The following HEATR1 variants were observed in gnomAD, a reference collection of about 807,000 sequenced individuals.
The protein encoded by HEATR1 is HEAT repeat containing 1, also known as HEAT repeat-containing protein 1.
HEATR1 carries 77 observed loss-of-function variants against 248.2 expected under a neutral mutation model. The ratio of observed to expected loss-of-function variants is 0.31; its 90% CI spans 0.26 to 0.37. The LOEUF (loss-of-function observed/expected upper bound fraction) is 0.37, where lower values mean the gene tolerates loss of function less well. Ranked by LOEUF, HEATR1 falls within the 10% of genes least tolerant of loss-of-function variation. The probability of loss-of-function intolerance (pLI) is 1.00; values close to 1 mark genes in which losing one functional copy is unlikely to be tolerated. For synonymous variants in HEATR1, 897 were observed against 923.1 expected (o/e 0.97, Z 0.51); for missense variants, 2,420 against 2,504.9 (o/e 0.97, Z 0.72).
chr1:236,555,652 C>A lies in HEATR1; in HGVS notation c.5653G>T (p.Asp1885Tyr). Residue 1885 changes from aspartate to tyrosine, a missense_variant, in exon 40 of 45, where the codon GAT (aspartate) becomes TAT (tyrosine). Transcript: ENST00000366582. ...TCCGTTTTTCCAACTTCCTCCAGATCGTTCTGAAAACAGAAGAGCCCATTT... is the reference window on the plus strand; with the variant it reads ...TCCGTTTTTCCAACTTCCTCCAGATAGTTCTGAAAACAGAAGAGCCCATTT... ...LDFRAQHSEN[D>Y]LEEVGKTENC... The A allele has an allele frequency of 1.9e-6, 3 of 1,614,120 alleles. No individual in the cohort carries two copies. The highest frequency in any genetic ancestry group is 2.5e-6 in the Non-Finnish European group (3 of 1,179,972).
Position 236,570,189 on chromosome 1 carries a change from G to T in HEATR1, c.3949-1065C>A, listed in dbSNP as rs370152371. ...CTGTAGTCCTAGCTACTCGGGAGGC[G>T]GAGGCAGGAGAATGGCATGAACCCA... On this transcript the variant is annotated intron_variant, in intron 28 of 44. Transcript: ENST00000366582. Among the ~76,000 whole-genome samples, 20 of 152,172 alleles carry T rather than the reference G, an allele frequency of 1.3e-4. No individual in the cohort carries two copies. In the East Asian group the frequency reaches 3.5e-3, roughly 27 times the overall value.
At position 236,558,318 on chromosome 1, in the gene HEATR1, T is replaced by C; in HGVS notation, c.5123A>G (p.Lys1708Arg). The change falls in exon 36 of 45, where the codon AAG becomes AGG. Residue 1708 changes from lysine to arginine, a missense_variant. Coordinates refer to ENST00000366582, the MANE Select transcript of HEATR1 (RefSeq NM_018072.6). Reference sequence around the variant, plus strand: ...CAGCAGCGCGCTTCCCAGGACATTCTTCTCCTCCTTTCTCTCTGGAGCAAT... The same window carrying C: ...CAGCAGCGCGCTTCCCAGGACATTCCTCTCCTCCTTTCTCTCTGGAGCAAT... The part of the protein sequence containing the change: ...KLIAPERKEE[K>R]NVLGSALLCI... The C allele has an allele frequency of 6.2e-7, 1 of 1,614,216 alleles. No homozygotes were observed. The highest frequency in any genetic ancestry group is 1.3e-5 in the African/African-American group (1 of 75,064).
At position 236,558,542 on chromosome 1, in the gene HEATR1, G is replaced by A. The variant is rs766877730; in HGVS notation, c.4912-13C>T. 1.3e-5 allele frequency: 21 copies of A among 1,596,522 alleles called. No individual in the cohort carries two copies. In the Admixed American group the frequency reaches 3.6e-4, roughly 28 times the overall value. ...GGAAACGGGTAACCTGAAGGGGACA[G>A]CCAGAATCCCCAAATCATTAAAGCT... On this transcript the variant is annotated splice_polypyrimidine_tract_variant and intron_variant, in intron 35 of 44. Transcript: ENST00000366582.
At chr1:236,554,081 TA>T (rs1167956488) in intron 42 of HEATR1, among the ~76,000 whole-genome samples, 2 of 151,934 alleles carry the variant, frequency 1.3e-5, no homozygotes, top group East Asian at 3.9e-4. Flanking sequence ...TTGAGCAGTT[TA>T]AAAAATAAAA....
rs1663725235 is a variant in HEATR1, at chr1:236,581,117, C to T, written c.2755+105G>A. ...ACAGGCGTGAGATACCGCGCCTGCCCTCTGCTATTTTTTTTTAAGTTATAA... is the reference window on the plus strand; with the variant it reads ...ACAGGCGTGAGATACCGCGCCTGCCTTCTGCTATTTTTTTTTAAGTTATAA... On this transcript the variant is annotated intron_variant, in intron 20 of 44. Transcript: ENST00000366582. 1.1e-5 allele frequency: 10 copies of T among 947,964 alleles called. No individual in the cohort carries two copies. The South Asian group carries it at 1.4e-4, about 14-fold the overall frequency. The allele number at this position is 947,964 out of a possible 1,614,324, so 58.7% of individuals were successfully genotyped here.
chr1:236,578,248 A>G (rs1663618986), intron 20 of HEATR1, among the ~76,000 whole-genome samples: 1 of 152,232 alleles, frequency 6.6e-6, no homozygotes. Flanking sequence ...ATGTTTCCAA[A>G]TGGATAGCCA....
At chr1:236,578,295 G>A (rs1275289763) in intron 20 of HEATR1, among the ~76,000 whole-genome samples, 1 of 152,142 alleles carries the variant, frequency 6.6e-6, no homozygotes, top group Non-Finnish European at 1.5e-5. Flanking sequence ...CCATCTCACA[G>A]ATCTTTGATT....
At chr1:236,598,101 C>G in intron 4 of HEATR1, 122 bp from the exon 5 acceptor site, 1 of 565,540 alleles carries the variant, frequency 1.8e-6, no homozygotes, top group South Asian at 3.0e-5. Flanking sequence ...ATAATCTCTC[C>G]TTATAACTGG....
At chr1:236,556,750 A>G (rs1463658087) in intron 37 of HEATR1, among the ~76,000 whole-genome samples, 1 of 152,226 alleles carries the variant, frequency 6.6e-6, no homozygotes, top group East Asian at 1.9e-4. Context: ...AGCATCTTCA[A>G]TCATAAATAC....
intron 9 of HEATR1, among the ~76,000 whole-genome samples, chr1:236,593,584 GAAAAAAAAA>G (rs534009257): frequency 4.6e-4 from 42 of 90,832 alleles, no homozygotes; most frequent in Admixed American, 3.9e-3. Context: ...CCCATTAAGA[GAAAAAAAAA>G]AAAAAAAAAA....
chr1:236,590,948 C>G lies in HEATR1; in HGVS notation c.1429G>C (p.Ala477Pro). 1 of 1,448,504 alleles carries G rather than the reference C, an allele frequency of 6.9e-7. No individual in the cohort carries two copies. The allele number at this position is 1,448,504 out of a possible 1,614,324, so 89.7% of individuals were successfully genotyped here. A position where few individuals can be genotyped will look rare whatever the true frequency, so the allele number is the denominator to read the frequency against. Reference sequence around the variant, plus strand: ...AGCATCAAAGAAGTATCAGAATCTGCTAAAAACTACAGGGTTCAACATAGT... The same window carrying G: ...AGCATCAAAGAAGTATCAGAATCTGGTAAAAACTACAGGGTTCAACATAGT... ...STSGGKYQFL[A>P]DSDTSLMLSL... The change falls in exon 12 of 45, where the codon GCA (alanine) becomes CCA (proline). Residue 477 changes from alanine to proline, a missense_variant. Physicochemically the swap from Ala to Pro is conservative, Grantham distance 27. Coordinates refer to ENST00000366582, the MANE Select transcript of HEATR1 (RefSeq NM_018072.6).
rs72758136 is a variant in HEATR1, at chr1:236,587,031, T to C, written c.1715+371A>G. 3.6e-3 allele frequency among the ~76,000 whole-genome samples: 553 copies of C among 152,252 alleles called. 3 individuals carry two copies. The highest frequency in any genetic ancestry group is 5.9e-3 in the Non-Finnish European group (398 of 67,970). On this transcript the variant is annotated intron_variant, in intron 14 of 44. Coordinates refer to ENST00000366582, the MANE Select transcript of HEATR1 (RefSeq NM_018072.6). ...CTTACCACAGATGGTATCATGTGTC[T>C]CTGAACTTATTTTTTAATTTGTTTA...
In HEATR1 at chr1:236,555,797, G is replaced by C. The variant is rs1462247832; in HGVS notation, c.5649+8C>G. On this transcript the variant is annotated splice_region_variant and intron_variant, in intron 39 of 44. Coordinates refer to ENST00000366582, the MANE Select transcript of HEATR1 (RefSeq NM_018072.6). ...CTTTAGGATTTGGAGGAGTGAACCT[G>C]AGCTTACCTCAGAGTGCTGGGCTCG... 2 of 1,614,048 alleles carry C rather than the reference G, an allele frequency of 1.2e-6. No homozygotes were observed. The highest frequency in any genetic ancestry group is 1.7e-6 in the Non-Finnish European group (2 of 1,180,004).
At chr1:236,567,527 A>G (rs368338584) in intron 29 of HEATR1, among the ~76,000 whole-genome samples, 2 of 152,204 alleles carry the variant, frequency 1.3e-5, no homozygotes, top group Non-Finnish European at 1.5e-5. Context: ...CCAGGCCAAC[A>G]TGGTTAAACC....
At chr1:236,600,326 T>C (rs992166921) in intron 3 of HEATR1, among the ~76,000 whole-genome samples, 1 of 151,294 alleles carries the variant, frequency 6.6e-6, no homozygotes. Context: ...AGATGGGGTT[T>C]CACCATGTTG....
rs781773623 is a variant in HEATR1, at chr1:236,576,771, C to A, written c.2925+9G>T. On this transcript the variant is annotated intron_variant, in intron 21 of 44. Transcript: ENST00000366582. ...GAACACACTCAATCTTCTTTGCTAA[C>A]GAGCTTACCTGAATAACATAGGCAG... 1.2e-6 allele frequency: 2 copies of A among 1,602,120 alleles called. No individual in the cohort carries two copies. Among genetic ancestry groups the A allele is most frequent in the Non-Finnish European group, 8.5e-7 (1 of 1,174,052 alleles).
chr1:236,571,421 C>T lies in HEATR1; in HGVS notation c.3878G>A (p.Arg1293His), dbSNP rs763139216. 3.1e-6 allele frequency: 5 copies of T among 1,613,260 alleles called. No individual in the cohort carries two copies. Among genetic ancestry groups the T allele is most frequent in the South Asian group, 1.1e-5 (1 of 90,820 alleles). ...FNVELIVQCI[R>H]LSEMPQTHHH... is the part of the protein sequence containing the mutation. ...ATGGGTCTGCGGCATCTCCGAAAGGCGGATGCACTGAACTATCAACTCCAC... is the reference window on the plus strand; with the variant it reads ...ATGGGTCTGCGGCATCTCCGAAAGGTGGATGCACTGAACTATCAACTCCAC... Residue 1293 changes from arginine (R) to histidine (H), a missense_variant, in exon 28 of 45, where the codon CGC (arginine) becomes CAC (histidine). Physicochemically the swap from Arg to His is conservative, Grantham distance 29. Coordinates refer to ENST00000366582, the MANE Select transcript of HEATR1 (RefSeq NM_018072.6).
chr1:236,599,195 A>C (rs989127650), intron 4 of HEATR1, among the ~76,000 whole-genome samples: 2 of 152,196 alleles, frequency 1.3e-5, no homozygotes, highest in Non-Finnish European at 2.9e-5. Flanking sequence ...CAACTCTGCC[A>C]CTTTATAGTT....
At chr1:236,580,838 T>TTTTTTTTTTA in intron 20 of HEATR1, among the ~76,000 whole-genome samples, 1 of 149,778 alleles carries the variant, frequency 6.7e-6, no homozygotes, top group African/African-American at 2.5e-5. Flanking sequence ...TTTTTTTTTT[T>TTTTTTTTTTA]GAGATGGAGT....
Sources: gnomAD v4.1 joint callset for allele counts (sites outside exome capture counted in the v4.1 genomes callset) on GRCh38, gnomAD v4.1.1 for gene constraint, MANE v1.5 for transcripts, NCBI Gene and HGNC (gene_info 2026-07-23, HGNC 2026-07-21) for gene names.